LRRC9: variants seen among roughly 807,000 people sequenced by gnomAD.
LRRC9 encodes the protein leucine rich repeat containing 9.
LRRC9 carries 122 observed loss-of-function variants against 63.2 expected under a neutral mutation model. That is an observed-to-expected ratio of 1.93 (90% CI 1.67 to 2.24). LRRC9 has a LOEUF of 2.24. Ranked by LOEUF, LRRC9 falls within the 30% of genes most tolerant of loss-of-function variation. The probability of loss-of-function intolerance (pLI) is 0.00; values close to 1 mark genes in which losing one functional copy is unlikely to be tolerated. For synonymous variants in LRRC9, 366 were observed against 213.1 expected, an observed-to-expected ratio of 1.72 and a Z score of -6.25; for missense variants, 1,071 against 627.7, an observed-to-expected ratio of 1.71 and a Z score of -7.55.
At chr14:59,940,581 A>T (rs1378309777) in intron 7 of LRRC9, among the ~76,000 whole-genome samples, 1 of 152,106 alleles carries the variant, frequency 6.6e-6, no homozygotes, top group African/African-American at 2.4e-5. Context: ...CCCCAACTGA[A>T]TGTGCCACTA....
chr14:60,035,103 ATTT>A (rs57896646), intron 29 of LRRC9, among the ~76,000 whole-genome samples: 5 of 145,702 alleles, frequency 3.4e-5, no homozygotes, highest in Non-Finnish European at 4.5e-5. Flanking sequence ...GACTTTGAGC[ATTT>A]TTTTTTTTTT....
At chr14:59,978,350 A>G (rs1461808822) in intron 15 of LRRC9, among the ~76,000 whole-genome samples, 2 of 152,214 alleles carry the variant, frequency 1.3e-5, no homozygotes, top group Non-Finnish European at 2.9e-5. Flanking sequence ...ACTGGAAAAG[A>G]TTCAGTCTAC....
intron 29 of LRRC9, among the ~76,000 whole-genome samples, chr14:60,050,251 C>T (rs1333735598): frequency 6.6e-6 from 1 of 152,150 alleles, no homozygotes. Flanking sequence ...CCTTCTTGGC[C>T]TCCCAAAGTG....
intron 12 of LRRC9, among the ~76,000 whole-genome samples, chr14:59,974,310 A>G (rs1362264216): frequency 1.3e-5 from 2 of 152,136 alleles, no homozygotes; most frequent in Non-Finnish European, 2.9e-5. Context: ...TCCACATAGT[A>G]TTATCAGTCT....
rs1194166865 is a variant in LRRC9 at position 60,037,679 on chromosome 14, T to C, written c.3990+5616T>C. Among the ~76,000 whole-genome samples the C allele has an allele frequency of 3.3e-5, 5 of 152,348 alleles. No individual in the cohort carries two copies. In the East Asian group the frequency reaches 9.6e-4, roughly 29 times the overall value. On this transcript the variant is annotated intron_variant, in intron 29 of 31. Transcript: ENST00000445360. Reference sequence around the variant, plus strand: ...TTCTGGATATTAGCCCTTTGTCCGATAGGTAGATTGTAAAAATTTCCTCCC... The same window carrying C: ...TTCTGGATATTAGCCCTTTGTCCGACAGGTAGATTGTAAAAATTTCCTCCC...
chr14:60,017,606 T>C lies in LRRC9; in HGVS notation c.3318-765T>C, dbSNP rs1890797262. Among the ~76,000 whole-genome samples, 2 of 152,158 alleles carry C rather than the reference T, an allele frequency of 1.3e-5. No homozygotes were observed. The highest frequency in any genetic ancestry group is 1.3e-4 in the Admixed American group (2 of 15,242). The stretch of plus-strand genomic sequence containing the variant: ...TGGGGGCTGAAACATTTCTTTCATC[T>C]TTCTTGTAGCCTTTCCAAACACATC... On this transcript the variant is annotated intron_variant, in intron 24 of 31. Coordinates refer to ENST00000445360, the Ensembl canonical transcript of LRRC9. This position sits in a 1 kb window ranked among gnomAD's most constrained non-coding sequence, Gnocchi z 4.0.
At position 59,982,061 on chromosome 14, in the gene LRRC9, G is replaced by A. The variant is rs76209613; in HGVS notation, c.2091+1G>A. ...GACTAGCGTTTACAGTCATATTGTG[G>A]TGAGTATTGTGAGAAATACAGCTTT... On this transcript the variant is annotated splice_donor_variant, in intron 16 of 31. Coordinates refer to ENST00000445360, the Ensembl canonical transcript of LRRC9. LOFTEE classifies it high-confidence loss of function. The A allele has an allele frequency of 0.011, 7,602 of 685,438 alleles. 52 individuals carry two copies. The highest frequency in any genetic ancestry group is 0.014 in the Non-Finnish European group (5,366 of 379,612). The allele number at this position is 685,438 out of a possible 1,614,324, so 42.5% of individuals were successfully genotyped here. A position where few individuals can be genotyped will look rare whatever the true frequency, so the allele number is the denominator to read the frequency against.
chr14:59,983,896 A>G (rs1887193171), intron 16 of LRRC9, among the ~76,000 whole-genome samples: 1 of 152,208 alleles, frequency 6.6e-6, no homozygotes, highest in South Asian at 2.1e-4. Flanking sequence ...TCAGTAGAAA[A>G]CTATTGCACT....
intron 31 of LRRC9, 51 bp from the exon 33 acceptor site, chr14:60,063,272 T>C (rs900902748): frequency 1.0e-5 from 7 of 688,744 alleles, no homozygotes; most frequent in African/African-American, 1.8e-5. Flanking sequence ...AGCTGATCCA[T>C]TACAAAATTA....
chr14:59,977,208 T>C lies in LRRC9; in HGVS notation c.1640-17T>C. 1.5e-6 allele frequency: 1 copy of C among 661,900 alleles called. No homozygotes were observed. Among genetic ancestry groups the C allele is most frequent in the South Asian group, 1.7e-5 (1 of 60,150 alleles). 41.0% of individuals were successfully genotyped at this position (661,900 alleles called of 1,614,324 possible). The stretch of plus-strand genomic sequence containing the variant: ...GTTAATTATTCTTAAGAATTACTTC[T>C]GTTTTTTTATATTTAGGCATCCTCC... On this transcript the variant is annotated splice_polypyrimidine_tract_variant and intron_variant, in intron 13 of 31. Coordinates refer to ENST00000445360, the Ensembl canonical transcript of LRRC9.
chr14:60,059,491 AATAG>A (rs1169451988), intron 31 of LRRC9, among the ~76,000 whole-genome samples: 18 of 152,238 alleles, frequency 1.2e-4, no homozygotes, highest in Non-Finnish European at 2.4e-4. Flanking sequence ...TCTTGTATCA[AATAG>A]ATAGCCAAGT....
chr14:60,050,010 T>C (rs550402480), intron 29 of LRRC9, among the ~76,000 whole-genome samples: 1 of 152,132 alleles, frequency 6.6e-6, no homozygotes, highest in Non-Finnish European at 1.5e-5. Context: ...TATTTTATTT[T>C]ATTTGAGACA....
At chr14:59,989,789 G>A (rs1359096877) in intron 17 of LRRC9, among the ~76,000 whole-genome samples, 1 of 152,066 alleles carries the variant, frequency 6.6e-6, no homozygotes, top group Non-Finnish European at 1.5e-5. Flanking sequence ...CTTTTAAAAT[G>A]AGGTAAGGTT....
rs1376452109 is a variant in LRRC9 at position 60,042,263 on chromosome 14, A to T, written c.3990+10200A>T. On this transcript the variant is annotated intron_variant, in intron 29 of 31. Transcript: ENST00000445360. The surrounding 1 kb of genome is among the most constrained non-coding windows in gnomAD (Gnocchi z 4.2). The stretch of plus-strand genomic sequence containing the variant: ...CAAACTCCATGCTGGGAGAAGCACT[A>T]CTCTCTTCAAAGCTGTCAGATAGGG... Among the ~76,000 whole-genome samples the T allele has an allele frequency of 2.6e-5, 4 of 151,860 alleles. No individual in the cohort carries two copies. The highest frequency in any genetic ancestry group is 5.9e-5 in the Non-Finnish European group (4 of 67,950).
chr14:60,060,857 T>A lies in LRRC9; in HGVS notation c.4277-2466T>A. 6.6e-6 allele frequency among the ~76,000 whole-genome samples: 1 copy of A among 152,186 alleles called. No homozygotes were observed. The highest frequency in any genetic ancestry group is 1.9e-4 in the East Asian group (1 of 5,200). ...CGCCATTAAAAACATTTGTAATTCA[T>A]CAGAGGAGGTCAAAATAGCAACCCT... On this transcript the variant is annotated intron_variant, in intron 31 of 31. Coordinates refer to ENST00000445360, the Ensembl canonical transcript of LRRC9. The surrounding 1 kb of genome is among the most constrained non-coding windows in gnomAD (Gnocchi z 4.0).
chr14:59,994,985 G>A (rs1410910021), intron 17 of LRRC9, among the ~76,000 whole-genome samples: 1 of 148,194 alleles, frequency 6.7e-6, no homozygotes, highest in Non-Finnish European at 1.5e-5. Flanking sequence ...TTGCGCACAT[G>A]TACCCTAAAA....
At chr14:60,049,923 A>T (rs943664578) in intron 29 of LRRC9, among the ~76,000 whole-genome samples, 1 of 151,798 alleles carries the variant, frequency 6.6e-6, no homozygotes, top group Non-Finnish European at 1.5e-5. Context: ...TTTTTATATA[A>T]TCCCATATTT....
rs758362432 is a variant in LRRC9 at position 59,961,032 on chromosome 14, CG to C, written c.1199del (p.Arg400HisfsTer12). 1.5e-6 allele frequency: 1 copy of C among 680,694 alleles called. No homozygotes were observed. The highest frequency in any genetic ancestry group is 1.8e-5 in the African/African-American group (1 of 56,504). 42.2% of individuals were successfully genotyped at this position (680,694 alleles called of 1,614,324 possible). On this transcript the variant is annotated frameshift_variant, in exon 10 of 32. Coordinates refer to ENST00000445360, the Ensembl canonical transcript of LRRC9. LOFTEE classifies it high-confidence loss of function. ...AAATTTCCATTTTGAAGAAGGCACT[CG>C]ATCTGATGACTGGTAAATCTGTTAG...
intron 28 of LRRC9, among the ~76,000 whole-genome samples, chr14:60,029,328 C>T (rs750836788): frequency 1.3e-5 from 2 of 152,022 alleles, no homozygotes; most frequent in African/African-American, 2.4e-5. Flanking sequence ...CACACGCCAT[C>T]GAGCTTAGAA....
Sources: gnomAD v4.1 joint callset for allele counts (sites outside exome capture counted in the v4.1 genomes callset) on GRCh38, gnomAD v4.1.1 for gene constraint, Gnocchi (gnomAD v3.1) non-coding constraint, MANE v1.5 for transcripts, NCBI Gene and HGNC (gene_info 2026-07-23, HGNC 2026-07-21) for gene names.